The following PDE1C variants were observed in gnomAD, a reference collection of about 807,000 sequenced individuals.
The protein encoded by PDE1C is dual specificity calcium/calmodulin-dependent 3',5'-cyclic nucleotide phosphodiesterase 1C.
PDE1C carries 62 observed loss-of-function variants against 93.1 expected under a neutral mutation model. That is an observed-to-expected ratio of 0.67 (90% CI 0.54 to 0.82). PDE1C has a LOEUF of 0.82. Among genes scored for constraint, PDE1C ranks in the 40% least tolerant of loss-of-function variants. The pLI, the probability that PDE1C is intolerant of heterozygous loss-of-function variation, is 0.00. For synonymous variants in PDE1C, 325 were observed against 310.1 expected (o/e 1.05, Z -0.50); for missense variants, 742 against 884.6 (o/e 0.84, Z 2.04).
chr7:31,864,263 G>C (rs1373773925), intron 7 of PDE1C, among the ~76,000 whole-genome samples: 1 of 152,148 alleles, frequency 6.6e-6, no homozygotes, highest in African/African-American at 2.4e-5. Flanking sequence ...GCCTGTGATA[G>C]CAGGACCACT....
intron 7 of PDE1C, among the ~76,000 whole-genome samples, chr7:31,852,933 A>G (rs971075894): frequency 7.1e-6 from 1 of 141,638 alleles, no homozygotes; most frequent in Non-Finnish European, 1.5e-5. Flanking sequence ...GGTTCCCTCT[A>G]CCTCCTCTCC....
intron 12 of PDE1C, among the ~76,000 whole-genome samples, chr7:31,827,843 CA>C (rs1332031738): frequency 6.6e-6 from 1 of 152,024 alleles, no homozygotes; most frequent in Non-Finnish European, 1.5e-5. Context: ...AGACAGGAAA[CA>C]AGGAAGAAAA....
At chr7:32,237,768 T>TATAC (rs1415805492) in intron 1 of PDE1C, among the ~76,000 whole-genome samples, 4 of 10,744 alleles carry the variant, frequency 3.7e-4, no homozygotes, top group Non-Finnish European at 8.1e-4. Flanking sequence ...ATATACTTTT[T>TATAC]TTTTTTTTTT....
intron 1 of PDE1C, among the ~76,000 whole-genome samples, chr7:32,233,428 G>T (rs1585002966): frequency 6.6e-6 from 1 of 152,092 alleles, no homozygotes; most frequent in East Asian, 1.9e-4. Flanking sequence ...ATTTATGAGG[G>T]CTACAAGAAA....
chr7:32,389,569 G>T (rs1219277684), intron 1 of PDE1C, among the ~76,000 whole-genome samples: 1 of 152,164 alleles, frequency 6.6e-6, no homozygotes, highest in Non-Finnish European at 1.5e-5. Context: ...GACACTTCAT[G>T]GGATGCACCA....
At chr7:32,215,243 T>C (rs533171880) in intron 1 of PDE1C, among the ~76,000 whole-genome samples, 2 of 152,246 alleles carry the variant, frequency 1.3e-5, no homozygotes, top group Admixed American at 1.3e-4. Flanking sequence ...GAACCCTATT[T>C]TGAACTGTGC....
chr7:32,308,470 G>A (rs1278688788), intron 1 of PDE1C, among the ~76,000 whole-genome samples: 1 of 151,762 alleles, frequency 6.6e-6, no homozygotes, highest in Non-Finnish European at 1.5e-5. Context: ...AGCCTAACTG[G>A]GAGGCACCCC....
At chr7:31,944,270 C>T (rs1201066297) in intron 2 of PDE1C, among the ~76,000 whole-genome samples, 1 of 152,202 alleles carries the variant, frequency 6.6e-6, no homozygotes, top group Non-Finnish European at 1.5e-5. Flanking sequence ...CTAGAGCACT[C>T]ACCTGGGCCA....
Position 32,226,739 on chromosome 7 carries a change from C to T in PDE1C, c.86-17200G>A, listed in dbSNP as rs576704462. ...GGAAGCACGCAGTATGCAGGAGCCA[C>T]TGTGATCATGAGCATTGCTCTCACT... On this transcript the variant is annotated intron_variant, in intron 1 of 18. Transcript: ENST00000396193. Among the ~76,000 whole-genome samples, 329 of 152,334 alleles carry T rather than the reference C, an allele frequency of 2.2e-3. 1 individual carries two copies. Among genetic ancestry groups the T allele is most frequent in the African/African-American group, 7.7e-3 (320 of 41,566 alleles).
chr7:32,394,250 A>C (rs1784802533), intron 1 of PDE1C, among the ~76,000 whole-genome samples: 1 of 152,246 alleles, frequency 6.6e-6, no homozygotes, highest in Admixed American at 6.5e-5. Context: ...GAAATAGGGA[A>C]AACAGTCAAA....
chr7:32,112,846 GTATA>G (rs1203879712), intron 3 of PDE1C, among the ~76,000 whole-genome samples: 1,250 of 58,982 alleles, frequency 0.021, 11 homozygotes, highest in African/African-American at 0.031. Flanking sequence ...GTGTGTGTGT[GTATA>G]TATATATATA....
At chr7:31,951,790 G>GT (rs1304615773) in intron 2 of PDE1C, among the ~76,000 whole-genome samples, 1 of 152,090 alleles carries the variant, frequency 6.6e-6, no homozygotes, top group African/African-American at 2.4e-5. Flanking sequence ...GGGAGAACTG[G>GT]GTTTCCCCAC....
intron 2 of PDE1C, among the ~76,000 whole-genome samples, chr7:32,205,762 T>A (rs1177448590): frequency 6.6e-6 from 1 of 152,060 alleles, no homozygotes; most frequent in Non-Finnish European, 1.5e-5. Context: ...AGCGAGACCA[T>A]GAAGCAACCC....
upstream of PDE1C, chr7:32,070,742 A>C: frequency 9.1e-7 from 1 of 1,095,628 alleles, no homozygotes; most frequent in Non-Finnish European, 1.1e-6. Flanking sequence ...CTACCCCCAA[A>C]CAAAGCCACA....
chr7:32,340,581 C>T (rs1783728627), intron 1 of PDE1C, among the ~76,000 whole-genome samples: 1 of 152,134 alleles, frequency 6.6e-6, no homozygotes, highest in Admixed American at 6.5e-5. Context: ...GCAAAGGGTA[C>T]ACAATCATAT....
At chr7:31,645,185 G>T in the PDE1C span, among the ~76,000 whole-genome samples, 1 of 152,140 alleles carries the variant, frequency 6.6e-6, no homozygotes, top group Non-Finnish European at 1.5e-5. Context: ...AAGCAAAGAA[G>T]TGTCCGACTT....
chr7:31,847,810 A>G (rs970984497), intron 9 of PDE1C, 158 bp downstream of exon 9: 2 of 721,820 alleles, frequency 2.8e-6, no homozygotes, highest in African/African-American at 3.6e-5. Context: ...ACATACATAC[A>G]TACACAAAGA....
At chr7:31,866,368 G>C (rs1209992775) in intron 6 of PDE1C, among the ~76,000 whole-genome samples, 7 of 152,114 alleles carry the variant, frequency 4.6e-5, no homozygotes, top group African/African-American at 1.7e-4. Flanking sequence ...TAAAAATAAA[G>C]ATCCAATGAA....
chr7:31,966,886 A>C (rs61273135), intron 2 of PDE1C, among the ~76,000 whole-genome samples: 2,691 of 152,268 alleles, frequency 0.018, 80 homozygotes, highest in African/African-American at 0.061. Flanking sequence ...ATGAAGGCAG[A>C]AATAAAGATG....
Sources: gnomAD v4.1 joint callset for allele counts (sites outside exome capture counted in the v4.1 genomes callset) on GRCh38, gnomAD v4.1.1 for gene constraint, MANE v1.5 for transcripts, NCBI Gene and HGNC (gene_info 2026-07-23, HGNC 2026-07-21) for gene names.